CNTN5: variants seen among roughly 807,000 people sequenced by gnomAD.
The protein encoded by CNTN5 is contactin 5.
CNTN5 carries 77 observed loss-of-function variants against 129.1 expected under a neutral mutation model. The observed-to-expected ratio is 0.60, with a 90% CI of 0.50 to 0.72. The LOEUF (loss-of-function observed/expected upper bound fraction) is 0.72, where lower values mean the gene tolerates loss of function less well. Ranked by LOEUF, CNTN5 falls within the 30% of genes least tolerant of loss-of-function variation. CNTN5 has a pLI of 0.00. For synonymous variants in CNTN5, 509 were observed against 465.6 expected (o/e 1.09, Z -1.20); for missense variants, 1,478 against 1,328.8 (o/e 1.11, Z -1.75).
At chr11:99,601,904 C>A (rs922045265) in intron 3 of CNTN5, among the ~76,000 whole-genome samples, 8 of 152,036 alleles carry the variant, frequency 5.3e-5, no homozygotes, top group African/African-American at 1.7e-4. Flanking sequence ...TGCCATATAC[C>A]TTTTTAATCA....
Position 99,052,963 on chromosome 11 carries a change from C to T in CNTN5, c.-210+31693C>T, listed in dbSNP as rs1864484956. ...AATTAAACTTTATTAAAATTTGACT[C>T]TAGTACACAGTGAAATCTCAGCTCC... is the stretch of plus-strand genomic sequence containing the variant. On this transcript the variant is annotated intron_variant, in intron 1 of 24. Transcript: ENST00000524871. Among the ~76,000 whole-genome samples the T allele has an allele frequency of 1.3e-5, 2 of 151,508 alleles. 1 individual carries two copies. Among genetic ancestry groups the T allele is most frequent in the Non-Finnish European group, 3.0e-5 (2 of 67,680 alleles).
chr11:99,902,601 G>T (rs1386049805), intron 6 of CNTN5, among the ~76,000 whole-genome samples: 3 of 152,058 alleles, frequency 2.0e-5, no homozygotes, highest in Admixed American at 6.6e-5. Context: ...AAAATCAAAA[G>T]ACTACTAGTA....
intron 3 of CNTN5, among the ~76,000 whole-genome samples, chr11:99,586,902 T>C (rs184910590): frequency 3.9e-5 from 6 of 152,306 alleles, no homozygotes; most frequent in Admixed American, 3.9e-4. Flanking sequence ...GTGCTAGATA[T>C]GTAAGCTTAT....
intron 13 of CNTN5, among the ~76,000 whole-genome samples, chr11:100,089,418 T>C (rs903380029): frequency 6.6e-6 from 1 of 152,118 alleles, no homozygotes; most frequent in Admixed American, 6.6e-5. Context: ...TGGATGCTTG[T>C]TGGGCTGTGG....
intron 1 of CNTN5, among the ~76,000 whole-genome samples, chr11:99,121,120 G>GTTCTTTCTTTCTTTCTTTCTTTCTTTCT (rs1365908774): frequency 6.9e-6 from 1 of 144,756 alleles, no homozygotes; most frequent in African/African-American, 2.5e-5. Flanking sequence ...GGTTTTAACT[G>GTTCTTTCTTTCTTTCTTTCTTTCTTTCT]TTCTTTCTTT....
rs566769880 is a variant in CNTN5, at chr11:99,133,615, C to CAAAAAAAAAAAAAAAAAA, written c.-210+112347_-210+112348insAAAAAAAAAAAAAAAAAA. Among the ~76,000 whole-genome samples the CAAAAAAAAAAAAAAAAAA allele has an allele frequency of 4.7e-5, 5 of 106,008 alleles. 2 individuals carry two copies. The highest frequency in any genetic ancestry group is 2.0e-4 in the Admixed American group (2 of 10,236). 69.5% of individuals were successfully genotyped at this position (106,008 alleles called of 152,430 possible). On this transcript the variant is annotated intron_variant, in intron 1 of 24. Transcript: ENST00000524871. ...GCAAAGGATAGGAACAGACACTTCT[C>CAAAAAAAAAAAAAAAAAA]AAGAAAAAAAAAAGACCATACATGC... is the stretch of plus-strand genomic sequence containing the variant.
chr11:100,014,334 C>T (rs560164118), intron 9 of CNTN5, among the ~76,000 whole-genome samples: 3 of 152,254 alleles, frequency 2.0e-5, no homozygotes, highest in South Asian at 4.1e-4. Context: ...ATCTGCCAGA[C>T]ATTTAAAACC....
At chr11:100,180,228 C>T (rs1043422256) in intron 13 of CNTN5, among the ~76,000 whole-genome samples, 1 of 152,002 alleles carries the variant, frequency 6.6e-6, no homozygotes, top group Non-Finnish European at 1.5e-5. Context: ...TAGATGACTA[C>T]AGTAATCAAG....
intron 13 of CNTN5, among the ~76,000 whole-genome samples, chr11:100,103,364 G>A (rs898110179): frequency 2.6e-5 from 4 of 151,974 alleles, no homozygotes; most frequent in African/African-American, 7.3e-5. Flanking sequence ...CTGATTTCAC[G>A]CGTGGGTACT....
At chr11:99,831,831 C>G (rs1361791342) in intron 4 of CNTN5, among the ~76,000 whole-genome samples, 2 of 152,082 alleles carry the variant, frequency 1.3e-5, no homozygotes, top group African/African-American at 4.8e-5. Context: ...AGGCACCTAC[C>G]TACTAAGGTT....
chr11:99,523,407 C>T (rs764152542), intron 2 of CNTN5, among the ~76,000 whole-genome samples: 18 of 151,958 alleles, frequency 1.2e-4, no homozygotes, highest in African/African-American at 3.9e-4. Flanking sequence ...CCAGCCTAGG[C>T]GACGTGGCGA....
chr11:99,215,667 A>G (rs1860078717), intron 1 of CNTN5, among the ~76,000 whole-genome samples: 1 of 152,128 alleles, frequency 6.6e-6, no homozygotes, highest in South Asian at 2.1e-4. Context: ...CAGAAAACCT[A>G]TTTCCCTTTA....
At chr11:100,069,410 C>G (rs369704573) in intron 10 of CNTN5, among the ~76,000 whole-genome samples, 7 of 152,006 alleles carry the variant, frequency 4.6e-5, no homozygotes, top group Admixed American at 1.3e-4. Context: ...CTGCCTTGGC[C>G]TCTCAAATTC....
chr11:99,967,024 A>G (rs550439770), intron 8 of CNTN5, among the ~76,000 whole-genome samples: 1 of 152,306 alleles, frequency 6.6e-6, no homozygotes, highest in Non-Finnish European at 1.5e-5. Flanking sequence ...CAGATGATAC[A>G]TAAGAGAATG....
At chr11:100,123,467 A>T (rs1159042446) in intron 13 of CNTN5, among the ~76,000 whole-genome samples, 1 of 152,066 alleles carries the variant, frequency 6.6e-6, no homozygotes, top group Non-Finnish European at 1.5e-5. Flanking sequence ...ATTTTAGTTT[A>T]AACCTTTTGA....
At chr11:99,647,341 G>A (rs76882501) in intron 3 of CNTN5, among the ~76,000 whole-genome samples, 1,841 of 152,112 alleles carry the variant, frequency 0.012, 39 homozygotes, top group African/African-American at 0.041. Flanking sequence ...TCAAAAATCA[G>A]TTGGCTACAA....
At chr11:99,450,416 C>A (rs1459888122) in intron 2 of CNTN5, among the ~76,000 whole-genome samples, 1 of 152,172 alleles carries the variant, frequency 6.6e-6, no homozygotes, top group Non-Finnish European at 1.5e-5. Flanking sequence ...GATGTCCCCA[C>A]AAACACTGAA....
chr11:99,739,466 C>A (rs558505151), intron 3 of CNTN5, among the ~76,000 whole-genome samples: 3 of 152,066 alleles, frequency 2.0e-5, no homozygotes, highest in African/African-American at 7.2e-5. Context: ...TTATCTGAAA[C>A]AAAGATCAGG....
intron 3 of CNTN5, among the ~76,000 whole-genome samples, chr11:99,780,782 CAT>C (rs996576444): frequency 5.9e-5 from 9 of 152,106 alleles, no homozygotes; most frequent in African/African-American, 2.2e-4. Context: ...GATGTTATGA[CAT>C]AGAGGAACAC....
Sources: gnomAD v4.1 joint callset for allele counts (sites outside exome capture counted in the v4.1 genomes callset) on GRCh38, gnomAD v4.1.1 for gene constraint, MANE v1.5 for transcripts, NCBI Gene and HGNC (gene_info 2026-07-23, HGNC 2026-07-21) for gene names.